The following ESRRG variants were observed in gnomAD, a reference collection of about 807,000 sequenced individuals.
ESRRG encodes estrogen related receptor gamma.
Under a neutral mutation model 44.0 loss-of-function variants are expected in ESRRG, and 13 were observed. That is an observed-to-expected ratio of 0.30 (90% confidence interval 0.19 to 0.47). ESRRG has a LOEUF of 0.47. ESRRG is among the 20% of genes least tolerant of loss of function. ESRRG has a pLI of 1.00. For synonymous variants in ESRRG, 215 were observed against 214.6 expected, an observed-to-expected ratio of 1.00 and a Z score of -0.02; for missense variants, 395 against 580.6, an observed-to-expected ratio of 0.68 and a Z score of 3.29.
chr1:216,764,976 C>T (rs940975117), intron 2 of ESRRG, among the ~76,000 whole-genome samples: 1 of 151,836 alleles, frequency 6.6e-6, no homozygotes. Flanking sequence ...CGGTGACACT[C>T]GACCAAGTGA....
intron 1 of ESRRG, among the ~76,000 whole-genome samples, chr1:217,013,195 T>G (rs1369613365): frequency 2.6e-5 from 4 of 152,224 alleles, no homozygotes; most frequent in Non-Finnish European, 4.4e-5. Flanking sequence ...CAAAATATCT[T>G]TCTTGGAGTA....
At chr1:216,980,166 TG>T (rs2073701392) in intron 1 of ESRRG, among the ~76,000 whole-genome samples, 1 of 152,196 alleles carries the variant, frequency 6.6e-6, no homozygotes, top group South Asian at 2.1e-4. Flanking sequence ...ATTATGAATT[TG>T]TGTAGCATTA....
intron 1 of ESRRG, among the ~76,000 whole-genome samples, chr1:216,948,601 G>A (rs2066465560): frequency 6.6e-6 from 1 of 151,184 alleles, no homozygotes; most frequent in Non-Finnish European, 1.5e-5. Flanking sequence ...ATAGTATTAT[G>A]TACCCCCTCT....
At chr1:216,796,470 A>G (rs2094473226) in intron 2 of ESRRG, among the ~76,000 whole-genome samples, 1 of 152,222 alleles carries the variant, frequency 6.6e-6, no homozygotes, top group Admixed American at 6.5e-5. Context: ...ACCCATTCAC[A>G]GTTCCTATCT....
chr1:216,965,988 G>A (rs1246537250), intron 1 of ESRRG, among the ~76,000 whole-genome samples: 1 of 152,182 alleles, frequency 6.6e-6, no homozygotes, highest in Non-Finnish European at 1.5e-5. Flanking sequence ...GGGCCTGAAA[G>A]TCTGCATTTC....
intron 2 of ESRRG, among the ~76,000 whole-genome samples, chr1:216,896,818 C>T (rs2058477433): frequency 6.6e-6 from 1 of 152,186 alleles, no homozygotes; most frequent in South Asian, 2.1e-4. Context: ...TTATCTTTCT[C>T]TTGGCACCTC....
At chr1:216,800,892 A>G (rs1043885568) in intron 2 of ESRRG, among the ~76,000 whole-genome samples, 2 of 152,198 alleles carry the variant, frequency 1.3e-5, no homozygotes, top group South Asian at 2.1e-4. Context: ...AGGTATTAAC[A>G]TATTAACAAA....
At chr1:216,632,226 TTAGC>T (rs1287152612) in intron 3 of ESRRG, among the ~76,000 whole-genome samples, 21 of 152,346 alleles carry the variant, frequency 1.4e-4, no homozygotes, top group Non-Finnish European at 2.6e-4. Flanking sequence ...TACCCTGACT[TTAGC>T]TAATGGCTCA....
chr1:216,797,080 C>T (rs534698154), intron 2 of ESRRG, among the ~76,000 whole-genome samples: 10 of 151,822 alleles, frequency 6.6e-5, no homozygotes, highest in Non-Finnish European at 1.3e-4. Flanking sequence ...TTAGTAGAGA[C>T]GGGGTTTCAC....
chr1:216,657,130 T>G (rs2070830739), intron 2 of ESRRG, among the ~76,000 whole-genome samples: 1 of 152,224 alleles, frequency 6.6e-6, no homozygotes, highest in Non-Finnish European at 1.5e-5. Flanking sequence ...TTTTCTTTCT[T>G]ATTTTCAATG....
intron 1 of ESRRG, among the ~76,000 whole-genome samples, chr1:216,962,685 G>A (rs2069365800): frequency 6.6e-6 from 1 of 152,066 alleles, no homozygotes; most frequent in Admixed American, 6.6e-5. Flanking sequence ...CAGAATGTAT[G>A]AACAGAAGTG....
At chr1:216,904,166 C>T (rs2059420903) in intron 2 of ESRRG, among the ~76,000 whole-genome samples, 1 of 151,944 alleles carries the variant, frequency 6.6e-6, no homozygotes, top group African/African-American at 2.4e-5. Context: ...CAGAAGGCTA[C>T]AAGTTTTAGT....
intron 2 of ESRRG, among the ~76,000 whole-genome samples, chr1:216,671,595 C>T (rs1196615183): frequency 6.6e-6 from 1 of 152,186 alleles, no homozygotes; most frequent in Non-Finnish European, 1.5e-5. Flanking sequence ...TAACCCTCAT[C>T]ACTTGGGAAA....
At chr1:216,550,847 T>C (rs2149381689) in intron 5 of ESRRG, among the ~76,000 whole-genome samples, 1 of 152,280 alleles carries the variant, frequency 6.6e-6, no homozygotes, top group East Asian at 1.9e-4. Context: ...CTATTTAAAA[T>C]CCAAATGGTT....
intron 1 of ESRRG, among the ~76,000 whole-genome samples, chr1:217,019,779 C>A (rs1031329716): frequency 1.3e-5 from 2 of 152,172 alleles, no homozygotes; most frequent in East Asian, 3.8e-4. Flanking sequence ...TCTGTCTTAT[C>A]TTATTCATCT....
chr1:216,987,318 C>T (rs2075029475), intron 1 of ESRRG, among the ~76,000 whole-genome samples: 2 of 152,164 alleles, frequency 1.3e-5, no homozygotes, highest in Admixed American at 6.5e-5. Flanking sequence ...AAAGAAAAGC[C>T]ATCAACCTAT....
intron 1 of ESRRG, among the ~76,000 whole-genome samples, chr1:216,942,860 G>A (rs1040100574): frequency 2.6e-5 from 4 of 152,018 alleles, no homozygotes; most frequent in Non-Finnish European, 5.9e-5. Flanking sequence ...CCATTCTGTA[G>A]GTTGTCTCTC....
At chr1:216,522,608 C>A (rs1276924794) in intron 5 of ESRRG, among the ~76,000 whole-genome samples, 1 of 152,038 alleles carries the variant, frequency 6.6e-6, no homozygotes, top group Non-Finnish European at 1.5e-5. Flanking sequence ...CATCTGGTCA[C>A]TAAGGAGACC....
At chr1:217,003,188 A>G (rs1427901925) in intron 1 of ESRRG, among the ~76,000 whole-genome samples, 1 of 152,142 alleles carries the variant, frequency 6.6e-6, no homozygotes, top group African/African-American at 2.4e-5. Context: ...CTGATATTAC[A>G]TTGAAAAAGT....
Sources: allele counts gnomAD v4.1 joint callset (sites outside exome capture counted in the v4.1 genomes callset), GRCh38; gene constraint gnomAD v4.1.1; transcripts MANE v1.5; gene names NCBI Gene and HGNC (gene_info 2026-07-23, HGNC 2026-07-21).